Variants in AGPS observed in about 807,000 individuals in gnomAD.
AGPS encodes alkylglycerone phosphate synthase.
In AGPS, 26 loss-of-function variants were observed where a neutral mutation model predicts 90.7. The ratio of observed to expected loss-of-function variants is 0.29; its 90% CI spans 0.21 to 0.40. The LOEUF is 0.40. AGPS is among the 10% of genes least tolerant of loss of function. The probability of loss-of-function intolerance (pLI) is 1.00; values close to 1 mark genes in which losing one functional copy is unlikely to be tolerated. For synonymous variants in AGPS, 294 were observed against 285.3 expected (o/e 1.03, Z -0.31); for missense variants, 540 against 816.1 (o/e 0.66, Z 4.12).
chr2:177,493,044 A>G, intron 11 of AGPS, 104 bp from the exon 12 acceptor site: 1 of 1,046,896 alleles, frequency 9.6e-7, no homozygotes, highest in Non-Finnish European at 1.4e-6. Flanking sequence ...CTTAGGAACT[A>G]AGCTCTTGAT....
chr2:177,491,646 T>C (rs114625839), intron 11 of AGPS, among the ~76,000 whole-genome samples: 3,984 of 152,004 alleles, frequency 0.026, 179 homozygotes, highest in African/African-American at 0.091. Context: ...CTCCAAGATA[T>C]GTTTTATGAA....
intron 11 of AGPS, among the ~76,000 whole-genome samples, chr2:177,491,347 C>G (rs559496909): frequency 5.3e-5 from 8 of 151,842 alleles, no homozygotes; most frequent in Middle Eastern, 3.4e-3. Flanking sequence ...CAACCTCTTC[C>G]TCCTGGGTTC....
intron 1 of AGPS, among the ~76,000 whole-genome samples, chr2:177,401,038 C>T (rs567133462): frequency 1.1e-4 from 17 of 152,178 alleles, no homozygotes; most frequent in Middle Eastern, 3.4e-3. Flanking sequence ...TTTTGTAGGT[C>T]GACACTATCC....
rs1156964980 is a variant in AGPS, at chr2:177,392,907, G to C, written c.118G>C (p.Val40Leu). ...GGACCGCGCCGGGCGGAGGCTGCGG[G>C]TTCTCTCTGGCCATCTGCTGGGCCG... ...DPDRAGRRLRVLSGHLLGRPR... is the reference protein window; with the variant it reads ...DPDRAGRRLRLLSGHLLGRPR... Residue 40 changes from valine to leucine, a missense_variant, in exon 1 of 20, where the codon GTT (valine) becomes CTT (leucine). Physicochemically the swap from Val to Leu is conservative, Grantham distance 32 (BLOSUM62 1). Around this residue, in one of 2 missense-constraint regions of AGPS, gnomAD observed 135 missense variants for 124.0 expected, o/e 1.09. Transcript: ENST00000264167. 6.4e-7 allele frequency: 1 copy of C among 1,550,440 alleles called. No homozygotes were observed. The highest frequency in any genetic ancestry group is 2.0e-5 in the Admixed American group (1 of 51,042).
At chr2:177,420,212 G>A in intron 1 of AGPS, 57 bp from the exon 2 acceptor site, 1 of 1,078,296 alleles carries the variant, frequency 9.3e-7, no homozygotes, top group South Asian at 1.3e-5. Flanking sequence ...ATGATATACT[G>A]TACAGTTTTA....
chr2:177,497,873 C>A, intron 13 of AGPS, 108 bp downstream of exon 13: 2 of 454,658 alleles, frequency 4.4e-6, no homozygotes, highest in Non-Finnish European at 7.9e-6. Flanking sequence ...TTGCTATGTA[C>A]ATTTCAGAAT....
At chr2:177,457,437 C>T (rs1348069073) in intron 8 of AGPS, among the ~76,000 whole-genome samples, 1 of 151,766 alleles carries the variant, frequency 6.6e-6, no homozygotes, top group Non-Finnish European at 1.5e-5. Flanking sequence ...AGACCGCTAG[C>T]CGACTAATAA....
chr2:177,472,340 A>G (rs534043747), intron 10 of AGPS, among the ~76,000 whole-genome samples: 1 of 151,646 alleles, frequency 6.6e-6, no homozygotes, highest in African/African-American at 2.4e-5. Context: ...AGTTTATAAC[A>G]TAGCCTTTAC....
intron 8 of AGPS, among the ~76,000 whole-genome samples, chr2:177,457,568 A>C (rs1687158132): frequency 6.6e-6 from 1 of 152,236 alleles, no homozygotes; most frequent in Non-Finnish European, 1.5e-5. Context: ...TACACAAATA[A>C]ACTAGAAAAT....
chr2:177,533,758 A>C (rs143957448), intron 19 of AGPS, among the ~76,000 whole-genome samples: 1 of 152,318 alleles, frequency 6.6e-6, no homozygotes, highest in Non-Finnish European at 1.5e-5. Flanking sequence ...TACATAATCC[A>C]GCAGTAGTTT....
intron 14 of AGPS, among the ~76,000 whole-genome samples, chr2:177,503,551 G>C (rs1688622573): frequency 6.6e-6 from 1 of 152,126 alleles, no homozygotes. Context: ...GGGACAGCAG[G>C]AAGTAGGGGA....
intron 8 of AGPS, among the ~76,000 whole-genome samples, chr2:177,456,348 C>T (rs1209435683): frequency 6.6e-6 from 1 of 152,200 alleles, no homozygotes; most frequent in Non-Finnish European, 1.5e-5. Context: ...TAAGCACTTA[C>T]TATGCACCAG....
chr2:177,523,715 A>G, intron 18 of AGPS, 33 bp from the exon 19 acceptor site: 3 of 1,600,362 alleles, frequency 1.9e-6, no homozygotes, highest in Non-Finnish European at 2.6e-6. Context: ...AAATCTAACT[A>G]GCAACAATTT....
intron 11 of AGPS, among the ~76,000 whole-genome samples, chr2:177,488,633 T>A (rs896379794): frequency 3.9e-5 from 6 of 152,180 alleles, no homozygotes; most frequent in African/African-American, 1.4e-4. Context: ...TTATGATAAT[T>A]TTTTGTGCCC....
intron 17 of AGPS, among the ~76,000 whole-genome samples, chr2:177,519,871 C>T (rs1022131590): frequency 3.3e-5 from 5 of 152,212 alleles, no homozygotes; most frequent in Non-Finnish European, 5.9e-5. Flanking sequence ...AAAAGAATGA[C>T]TACTCCATAG....
intron 15 of AGPS, among the ~76,000 whole-genome samples, chr2:177,506,418 T>C (rs1384596547): frequency 1.3e-5 from 2 of 151,836 alleles, no homozygotes; most frequent in Non-Finnish European, 3.0e-5. Flanking sequence ...TAGCTTCATA[T>C]AATATGTAAA....
chr2:177,473,438 CAG>C (rs759996779), intron 10 of AGPS, among the ~76,000 whole-genome samples: 8 of 151,912 alleles, frequency 5.3e-5, no homozygotes, highest in Non-Finnish European at 8.8e-5. Context: ...AATTATGAAA[CAG>C]AAAATTCTGA....
chr2:177,422,545 G>T lies in AGPS; in HGVS notation c.350+2187G>T, dbSNP rs142268461. On this transcript the variant is annotated intron_variant, in intron 2 of 19. Transcript: ENST00000264167. Reference sequence around the variant, plus strand: ...TCTGACTGGAAGAGCCTGCAAGGGAGACCAGGAAAGTGAATATCTGGCAAA... The same window carrying T: ...TCTGACTGGAAGAGCCTGCAAGGGATACCAGGAAAGTGAATATCTGGCAAA... 9.8e-5 allele frequency among the ~76,000 whole-genome samples: 15 copies of T among 152,318 alleles called. 1 individual carries two copies. The East Asian group carries it at 2.9e-3, about 29-fold the overall frequency.
At position 177,396,942 on chromosome 2, in the gene AGPS, C is replaced by CT. The variant is rs757187515; in HGVS notation, c.260+3907dup. 4.2e-4 allele frequency among the ~76,000 whole-genome samples: 59 copies of CT among 140,568 alleles called. 1 individual carries two copies. The highest frequency in any genetic ancestry group is 3.5e-3 in the East Asian group (16 of 4,618). The allele number at this position is 140,568 out of a possible 152,430, so 92.2% of individuals were successfully genotyped here. On this transcript the variant is annotated intron_variant, in intron 1 of 19. Transcript: ENST00000264167. ...GGCACCAATTACTTCTTTTTCTTTT[C>CT]TTTTTTTTTTTTTTGCTATGGAGTC...
Sources: allele counts gnomAD v4.1 joint callset (sites outside exome capture counted in the v4.1 genomes callset), GRCh38; gene constraint gnomAD v4.1.1; regional missense constraint gnomAD v4.1.1; transcripts MANE v1.5; gene names NCBI Gene and HGNC (gene_info 2026-07-23, HGNC 2026-07-21).